The following CPLANE1 variants were observed in gnomAD, a reference collection of about 807,000 sequenced individuals.
The protein encoded by CPLANE1 is ciliogenesis and planar polarity effector 1.
Under a neutral mutation model 362.5 loss-of-function variants are expected in CPLANE1, and 263 were observed. The ratio of observed to expected loss-of-function variants is 0.73; its 90% confidence interval spans 0.66 to 0.80. The LOEUF is 0.80. Among genes scored for constraint, CPLANE1 ranks in the 30% least tolerant of loss-of-function variants. The pLI, the probability that CPLANE1 is intolerant of heterozygous loss-of-function variation, is 0.00. For synonymous variants in CPLANE1, 1,212 were observed against 1,302.6 expected, an observed-to-expected ratio of 0.93 and a Z score of 1.50; for missense variants, 3,461 against 3,793.4, an observed-to-expected ratio of 0.91 and a Z score of 2.30.
chr5:37,131,823 C>A (rs558687716), intron 46 of CPLANE1, among the ~76,000 whole-genome samples: 56 of 152,148 alleles, frequency 3.7e-4, no homozygotes, highest in African/African-American at 1.3e-3. Context: ...AGCCACCGCG[C>A]CAGGCCAAAT....
intron 21 of CPLANE1, among the ~76,000 whole-genome samples, chr5:37,188,308 C>T (rs543971180): frequency 1.3e-5 from 2 of 152,190 alleles, no homozygotes; most frequent in Admixed American, 1.3e-4. Flanking sequence ...ATCCAGCTAT[C>T]AAAACAAGTT....
At chr5:37,217,054 A>C (rs2150304685) in intron 15 of CPLANE1, among the ~76,000 whole-genome samples, 1 of 152,304 alleles carries the variant, frequency 6.6e-6, no homozygotes, top group South Asian at 2.1e-4. Context: ...AGTAGTCTTC[A>C]TTTAGTCACT....
rs756432435 is a variant in CPLANE1 at position 37,205,370 on chromosome 5, T to A, written c.3234A>T (p.Gln1078His). The A allele has an allele frequency of 6.4e-7, 1 of 1,551,142 alleles. No individual in the cohort carries two copies. The highest frequency in any genetic ancestry group is 1.2e-5 in the South Asian group (1 of 83,972). The change falls in exon 18 of 53, where the codon CAA becomes CAT. Residue 1078 changes from glutamine (Q) to histidine (H), a missense_variant. Transcript: ENST00000651892. ...CATTTTTTGCTTCCAAAGAGGCTGGTTGACCTAAAACACACTGCAGTTTTT... is the reference window on the plus strand; with the variant it reads ...CATTTTTTGCTTCCAAAGAGGCTGGATGACCTAAAACACACTGCAGTTTTT... ...FQEKLQCVLG[Q>H]PASLEAKNEM...
chr5:37,167,588 C>T (rs1778617575), intron 34 of CPLANE1, among the ~76,000 whole-genome samples: 1 of 152,108 alleles, frequency 6.6e-6, no homozygotes, highest in Non-Finnish European at 1.5e-5. Flanking sequence ...ACCAGCCTGA[C>T]CAACATGGTG....
At chr5:37,245,929 A>G in intron 2 of CPLANE1, 84 bp from the exon 3 acceptor site, 1 of 1,283,838 alleles carries the variant, frequency 7.8e-7, no homozygotes, top group Non-Finnish European at 1.0e-6. Flanking sequence ...CCAGAAATCA[A>G]AGCGACATTT....
In CPLANE1 at chr5:37,107,261, A is replaced by G; in HGVS notation, c.*341T>C. 9.7e-7 allele frequency: 1 copy of G among 1,028,446 alleles called. No individual in the cohort carries two copies. Among genetic ancestry groups the G allele is most frequent in the South Asian group, 4.6e-5 (1 of 21,868 alleles). The allele number at this position is 1,028,446 out of a possible 1,614,324, so 63.7% of individuals were successfully genotyped here. A position where few individuals can be genotyped will look rare whatever the true frequency, so the allele number is the denominator to read the frequency against. On this transcript the variant is annotated 3_prime_UTR_variant, in exon 53 of 53. Coordinates refer to ENST00000651892, the MANE Select transcript of CPLANE1 (RefSeq NM_001384732.1). ...TGTATATGGTTGTTTCTCAAAACTC[A>G]GAGGGTAATAAAGGAGGAGGCAAGA...
the CPLANE1 span, among the ~76,000 whole-genome samples, chr5:37,078,437 A>G: frequency 1.3e-5 from 2 of 152,090 alleles, no homozygotes; most frequent in Non-Finnish European, 2.9e-5. Context: ...ACAGTATTTT[A>G]TTTGTCCAGT....
At chr5:37,189,477 C>G (rs1784897142) in intron 21 of CPLANE1, among the ~76,000 whole-genome samples, 1 of 152,142 alleles carries the variant, frequency 6.6e-6, no homozygotes, top group South Asian at 2.1e-4. Context: ...TCATTACTGA[C>G]AGATGTGTTT....
At chr5:37,118,681 G>A (rs301890) in intron 50 of CPLANE1, among the ~76,000 whole-genome samples, 23,276 of 150,994 alleles carry the variant, frequency 0.15, 2,419 homozygotes, top group African/African-American at 0.3. Flanking sequence ...ATTAAAGAAC[G>A]TAAACAGAAC....
At position 37,209,717 on chromosome 5, in the gene CPLANE1, C is replaced by A. The variant is rs1343797962; in HGVS notation, c.2921-3292G>T. On this transcript the variant is annotated intron_variant, in intron 16 of 52. Transcript: ENST00000651892. This position sits in a 1 kb window ranked among gnomAD's most constrained non-coding sequence, Gnocchi z 4.6. ...ATCTATTACAACTCATTAAAATCAA[C>A]CCTACTTCCAGTCTGTACAAATCAC... 5 of 1,229,938 alleles carry A rather than the reference C, an allele frequency of 4.1e-6. No homozygotes were observed. In the African/African-American group the frequency reaches 4.4e-5, roughly 11 times the overall value. 76.2% of individuals were successfully genotyped at this position (1,229,938 alleles called of 1,614,324 possible). A position where few individuals can be genotyped will look rare whatever the true frequency, so the allele number is the denominator to read the frequency against.
chr5:37,169,901 A>C, intron 33 of CPLANE1, 140 bp downstream of exon 33: 1 of 844,830 alleles, frequency 1.2e-6, no homozygotes, highest in Admixed American at 2.4e-5. Flanking sequence ...TGACTTTTGT[A>C]TTTTTAGTAG....
intron 40 of CPLANE1, 49 bp downstream of exon 40, chr5:37,157,621 T>C: frequency 6.6e-7 from 1 of 1,511,158 alleles, no homozygotes; most frequent in East Asian, 2.3e-5. Flanking sequence ...CAATGCTATA[T>C]TAAAGAACTT....
intron 16 of CPLANE1, among the ~76,000 whole-genome samples, chr5:37,207,521 G>A (rs925825973): frequency 5.9e-5 from 9 of 152,048 alleles, no homozygotes; most frequent in Admixed American, 1.3e-4. Context: ...AAAAGTTCAC[G>A]ACCTTTTAAA....
In CPLANE1 at chr5:37,227,627, G is replaced by A. The variant is rs774184345; in HGVS notation, c.1312C>T (p.Leu438Phe). ...SLSPSVHMRS[L>F]LLDSTQRLEK... ...AGCCTCTGGGTTGAATCAAGTAGAAGTGATCTCATGTGTACTGATGGAGAT... is the reference window on the plus strand; with the variant it reads ...AGCCTCTGGGTTGAATCAAGTAGAAATGATCTCATGTGTACTGATGGAGAT... The change falls in exon 10 of 53, where the codon CTT becomes TTT. Residue 438 changes from leucine to phenylalanine, a missense_variant. Around this residue, in one of 2 missense-constraint regions of CPLANE1, gnomAD observed 3,380 missense variants for 3,666.1 expected, o/e 0.92. Coordinates refer to ENST00000651892, the MANE Select transcript of CPLANE1 (RefSeq NM_001384732.1). 1.2e-4 allele frequency: 193 copies of A among 1,551,188 alleles called. No homozygotes were observed. The highest frequency in any genetic ancestry group is 1.6e-4 in the Non-Finnish European group (188 of 1,146,684).
chr5:37,080,008 T>C, the CPLANE1 span, among the ~76,000 whole-genome samples: 3 of 152,238 alleles, frequency 2.0e-5, no homozygotes, highest in Non-Finnish European at 4.4e-5. Context: ...TCTATTCAGA[T>C]ACTTTGAGCA....
Position 37,209,807 on chromosome 5 carries a change from A to G in CPLANE1, c.2921-3382T>C. Reference sequence around the variant, plus strand: ...TTATGCATTTTTTAAAAGGATTGGCAGAATATCATCAAGCTAAAGAAAGTT... The same window carrying G: ...TTATGCATTTTTTAAAAGGATTGGCGGAATATCATCAAGCTAAAGAAAGTT... On this transcript the variant is annotated intron_variant, in intron 16 of 52. Transcript: ENST00000651892. The surrounding 1 kb of genome is among the most constrained non-coding windows in gnomAD (Gnocchi z 4.6). The G allele has an allele frequency of 7.5e-7, 1 of 1,332,952 alleles. No homozygotes were observed. Among genetic ancestry groups the G allele is most frequent in the East Asian group, 2.3e-5 (1 of 43,432 alleles). The allele number at this position is 1,332,952 out of a possible 1,614,324, so 82.6% of individuals were successfully genotyped here.
chr5:37,140,266 T>C (rs1247853493), intron 44 of CPLANE1: 3 of 949,238 alleles, frequency 3.2e-6, no homozygotes, highest in East Asian at 2.3e-4. Flanking sequence ...GATTTTATTA[T>C]CTTGAGATAA....
intron 51 of CPLANE1, among the ~76,000 whole-genome samples, chr5:37,114,066 C>T (rs569593201): frequency 6.6e-6 from 1 of 152,314 alleles, no homozygotes; most frequent in East Asian, 1.9e-4. Context: ...CCACCACGAC[C>T]TCCCAAAGTG....
chr5:37,118,903 G>A (rs1371398831), intron 50 of CPLANE1, among the ~76,000 whole-genome samples: 4 of 151,852 alleles, frequency 2.6e-5, no homozygotes, highest in African/African-American at 7.3e-5. Flanking sequence ...CAGTAGAGAC[G>A]GGGTTTCACC....
Sources: gnomAD v4.1 joint callset for allele counts (sites outside exome capture counted in the v4.1 genomes callset) on GRCh38, gnomAD v4.1.1 for gene constraint, gnomAD v4.1.1 regional missense constraint, Gnocchi (gnomAD v3.1) non-coding constraint, MANE v1.5 for transcripts, NCBI Gene and HGNC (gene_info 2026-07-23, HGNC 2026-07-21) for gene names.